The following FABP6 variants were observed in gnomAD, a reference collection of about 807,000 sequenced individuals.
FABP6 encodes the protein gastrotropin.
In FABP6, 13 loss-of-function variants were observed where a neutral mutation model predicts 14.9. That is an observed-to-expected ratio of 0.87 (90% confidence interval 0.57 to 1.39). The LOEUF (loss-of-function observed/expected upper bound fraction) is 1.39. FABP6 is among the 40% of genes most tolerant of loss of function. The pLI is 0.00. For missense variants in FABP6, 161 were observed against 167.2 expected, an observed-to-expected ratio of 0.96 and a Z score of 0.20; for synonymous variants, 75 against 63.6, an observed-to-expected ratio of 1.18 and a Z score of -0.85.
chr5:160,226,469 G>GAGA (rs1490893358), upstream of FABP6, among the ~76,000 whole-genome samples: 1 of 151,218 alleles, frequency 6.6e-6, no homozygotes, highest in Non-Finnish European at 1.5e-5. Context: ...GCTGAGGCAG[G>GAGA]AGAATTGCTT....
At chr5:160,215,920 G>A (rs779087305) in intron 3 of FABP6, among the ~76,000 whole-genome samples, 1 of 152,178 alleles carries the variant, frequency 6.6e-6, no homozygotes, top group Non-Finnish European at 1.5e-5. Context: ...CTCCTCCCCA[G>A]TTGCGCCACT....
chr5:160,201,422 G>C (rs1002910982), intron 2 of FABP6, among the ~76,000 whole-genome samples: 1 of 151,940 alleles, frequency 6.6e-6, no homozygotes, highest in African/African-American at 2.4e-5. Context: ...GGGTAGGGTG[G>C]AAGGGGATGG....
At chr5:160,192,150 T>A (rs1759407023) in intron 1 of FABP6, among the ~76,000 whole-genome samples, 1 of 152,080 alleles carries the variant, frequency 6.6e-6, no homozygotes, top group Non-Finnish European at 1.5e-5. Context: ...CAATGTCACC[T>A]ACCCAGCCAG....
chr5:160,217,772 G>A (rs1257323715), intron 3 of FABP6, among the ~76,000 whole-genome samples: 2 of 152,096 alleles, frequency 1.3e-5, no homozygotes, highest in Non-Finnish European at 2.9e-5. Context: ...GACTAGCTGG[G>A]ACTACAGACA....
intron 1 of FABP6, among the ~76,000 whole-genome samples, chr5:160,229,960 G>A (rs760529781): frequency 3.7e-4 from 56 of 150,952 alleles, no homozygotes; most frequent in Admixed American, 2.6e-3. Flanking sequence ...TGCAACCTTC[G>A]GCTCCCACGT....
intron 3 of FABP6, among the ~76,000 whole-genome samples, chr5:160,220,827 C>T (rs1327721572): frequency 6.6e-6 from 1 of 151,970 alleles, no homozygotes; most frequent in Non-Finnish European, 1.5e-5. Flanking sequence ...GTGGCTCACG[C>T]CTGTAATCCC....
chr5:160,223,179 TTGTCTC>T (rs1439528807), intron 3 of FABP6, among the ~76,000 whole-genome samples: 9 of 152,186 alleles, frequency 5.9e-5, no homozygotes, highest in Non-Finnish European at 1.5e-5. Context: ...ATTTTTCACT[TTGTCTC>T]TGGGCCACAT....
chr5:160,229,524 C>A lies in FABP6; in HGVS notation c.-34C>A. 1 of 1,613,740 alleles carries A rather than the reference C, an allele frequency of 6.2e-7. No individual in the cohort carries two copies. Among genetic ancestry groups the A allele is most frequent in the South Asian group, 1.1e-5 (1 of 91,036 alleles). On this transcript the variant is annotated 5_prime_UTR_variant, in exon 1 of 4. Transcript: ENST00000402432. ...CCTCAGCACCACCCATTCTCCTCAT[C>A]CCTCTGCTCTCTGGCCTCCAGCCTC...
At chr5:160,229,385 C>G (rs773899491), upstream of FABP6, 3 of 1,446,322 alleles carry the variant, frequency 2.1e-6, no homozygotes, top group Non-Finnish European at 2.7e-6. Flanking sequence ...CAGGTCCTGC[C>G]CACATCATAA....
chr5:160,193,270 G>A (rs1030374878), intron 1 of FABP6, among the ~76,000 whole-genome samples: 5 of 152,002 alleles, frequency 3.3e-5, no homozygotes, highest in Admixed American at 6.6e-5. Flanking sequence ...GGAGTTGTTC[G>A]TTCCTCCCGG....
intron 1 of FABP6, among the ~76,000 whole-genome samples, chr5:160,195,113 C>T (rs903255871): frequency 1.6e-4 from 25 of 151,946 alleles, no homozygotes; most frequent in African/African-American, 5.8e-4. Flanking sequence ...GGTGAAACCC[C>T]GACTCTACTA....
At chr5:160,192,966 C>T (rs897495152) in intron 1 of FABP6, among the ~76,000 whole-genome samples, 1 of 152,152 alleles carries the variant, frequency 6.6e-6, no homozygotes, top group African/African-American at 2.4e-5. Flanking sequence ...AAAAAATAAG[C>T]CAGGCATGGT....
chr5:160,209,706 G>T (rs7720932), intron 2 of FABP6, among the ~76,000 whole-genome samples: 136,457 of 151,690 alleles, frequency 0.9, 61,491 homozygotes, highest in Non-Finnish European at 0.92. Context: ...CGTCTTTTTT[G>T]TCTTTTTTTC....
intron 1 of FABP6, chr5:160,195,675 A>G (rs1759495696): frequency 6.6e-6 from 1 of 152,254 alleles, no homozygotes; most frequent in Admixed American, 6.5e-5. Context: ...TCCTAGGCTC[A>G]AGTCATCCAC....
At chr5:160,222,006 A>G (rs1008511917) in intron 3 of FABP6, among the ~76,000 whole-genome samples, 10 of 152,104 alleles carry the variant, frequency 6.6e-5, no homozygotes, top group Non-Finnish European at 1.2e-4. Flanking sequence ...GTATGCATTA[A>G]TTTTACAATT....
chr5:160,199,672 C>A (rs1342476935), intron 2 of FABP6, among the ~76,000 whole-genome samples: 1 of 152,164 alleles, frequency 6.6e-6, no homozygotes, highest in African/African-American at 2.4e-5. Context: ...CTATCTTCAT[C>A]CCCTGCCCCC....
chr5:160,226,134 C>T (rs1760239608), upstream of FABP6, among the ~76,000 whole-genome samples: 1 of 149,720 alleles, frequency 6.7e-6, no homozygotes, highest in African/African-American at 2.5e-5. Context: ...AGATGTGACA[C>T]TGCACTCCAG....
intron 1 of FABP6, 34 bp from the exon 2 acceptor site, chr5:160,232,064 C>T (rs1177876464): frequency 1.9e-6 from 3 of 1,610,214 alleles, no homozygotes; most frequent in Admixed American, 1.7e-5. Flanking sequence ...AAAAGCAGCT[C>T]TTATATGGCT....
chr5:160,214,220 G>A (rs1580911308), intron 3 of FABP6, among the ~76,000 whole-genome samples: 1 of 150,890 alleles, frequency 6.6e-6, no homozygotes, highest in East Asian at 2.0e-4. Flanking sequence ...CTGAAGTGCA[G>A]TGATGTAATC....
Sources: gnomAD v4.1 joint callset for allele counts (sites outside exome capture counted in the v4.1 genomes callset) on GRCh38, gnomAD v4.1.1 for gene constraint, MANE v1.5 for transcripts, NCBI Gene and HGNC (gene_info 2026-07-23, HGNC 2026-07-21) for gene names.